The following PDE3A variants were observed in gnomAD, a reference collection of about 807,000 sequenced individuals.
PDE3A encodes cGMP-inhibited 3',5'-cyclic phosphodiesterase 3A.
A neutral mutation model predicts 98.3 loss-of-function variants in PDE3A; 43 were observed. The observed-to-expected ratio is 0.44, with a 90% confidence interval of 0.34 to 0.56. The LOEUF (loss-of-function observed/expected upper bound fraction) is 0.56, where lower values mean the gene tolerates loss of function less well. Among genes scored for constraint, PDE3A ranks in the 20% least tolerant of loss-of-function variants. The probability of loss-of-function intolerance (pLI) is 0.01; values close to 1 mark genes in which losing one functional copy is unlikely to be tolerated. For missense variants in PDE3A, 1,427 were observed against 1,440.7 expected (o/e 0.99, Z 0.15); for synonymous variants, 663 against 567.9 (o/e 1.17, Z -2.38).
chr12:20,605,074 C>T lies in PDE3A; in HGVS notation c.1012-8369C>T, dbSNP rs117513907. ...CACCCTTATAAAATCTATTTATGAA[C>T]TCTGTGTAAAGCTACCTGACTTCGT... On this transcript the variant is annotated intron_variant, in intron 2 of 15. Coordinates refer to ENST00000359062, the MANE Select transcript of PDE3A (RefSeq NM_000921.5). Among the ~76,000 whole-genome samples, 456 of 152,266 alleles carry T rather than the reference C, an allele frequency of 3.0e-3. 11 individuals are homozygous for T. In the East Asian group the frequency reaches 0.074, roughly 25 times the overall value.
At chr12:20,596,013 T>C (rs1023739131) in intron 2 of PDE3A, among the ~76,000 whole-genome samples, 2 of 152,176 alleles carry the variant, frequency 1.3e-5, no homozygotes, top group Non-Finnish European at 2.9e-5. Context: ...ATTAATCTTA[T>C]GATTATAATT....
intron 15 of PDE3A, among the ~76,000 whole-genome samples, chr12:20,657,280 G>T (rs925567313): frequency 6.6e-6 from 1 of 152,082 alleles, no homozygotes; most frequent in Non-Finnish European, 1.5e-5. Flanking sequence ...AAATGACATT[G>T]CAAGGTTGTA....
intron 8 of PDE3A, 139 bp downstream of exon 8, chr12:20,635,195 C>A (rs1261542669): frequency 7.3e-6 from 5 of 685,362 alleles, no homozygotes; most frequent in Admixed American, 5.7e-5. Context: ...ACGAAGCGGG[C>A]AGATCACGAG....
chr12:20,404,826 GTTTTTTT>G (rs60736941), intron 1 of PDE3A, among the ~76,000 whole-genome samples: 13 of 95,106 alleles, frequency 1.4e-4, no homozygotes, highest in African/African-American at 2.0e-4. Flanking sequence ...AGGTTACAGA[GTTTTTTT>G]TTTTTTTTTT....
chr12:20,384,465 G>A (rs2120560900), intron 1 of PDE3A, among the ~76,000 whole-genome samples: 1 of 151,916 alleles, frequency 6.6e-6, no homozygotes, highest in Admixed American at 6.6e-5. Context: ...TCATTCACAT[G>A]CTCTTCCTTT....
intron 1 of PDE3A, among the ~76,000 whole-genome samples, chr12:20,433,749 A>G (rs531274222): frequency 6.6e-6 from 1 of 152,346 alleles, no homozygotes; most frequent in Admixed American, 6.5e-5. Context: ...GTAACTACAT[A>G]GACAAAATAT....
intron 2 of PDE3A, among the ~76,000 whole-genome samples, chr12:20,591,040 T>C (rs1330393049): frequency 6.6e-6 from 1 of 152,198 alleles, no homozygotes; most frequent in Non-Finnish European, 1.5e-5. Flanking sequence ...TACTCTGATA[T>C]GTTAAGGTTT....
Position 20,552,149 on chromosome 12 carries a change from C to A in PDE3A, c.961-4511C>A, listed in dbSNP as rs1175080247. On this transcript the variant is annotated intron_variant, in intron 1 of 15. Transcript: ENST00000359062. This position sits in a 1 kb window ranked among gnomAD's most constrained non-coding sequence, Gnocchi z 5.1. The stretch of plus-strand genomic sequence containing the variant: ...CAGAAACTCACCAACACCAACAGGG[C>A]GCTGGCTCTCAACTGCTTTGCTCCC... 7 of 1,613,542 alleles carry A rather than the reference C, an allele frequency of 4.3e-6. No homozygotes were observed. The African/African-American group carries it at 6.7e-5, about 15-fold the overall frequency.
At chr12:20,551,767 A>G in intron 1 of PDE3A, 1 of 1,613,486 alleles carries the variant, frequency 6.2e-7, no homozygotes, top group Non-Finnish European at 8.5e-7. Flanking sequence ...GCTGAGAGAG[A>G]GCAAGAAGAA....
intron 1 of PDE3A, among the ~76,000 whole-genome samples, chr12:20,418,555 G>A (rs1240173055): frequency 6.6e-6 from 1 of 152,116 alleles, no homozygotes; most frequent in Non-Finnish European, 1.5e-5. Context: ...TTAAAAGGTG[G>A]TTTTTAAAGG....
rs1057357004 is a variant in PDE3A, at chr12:20,686,778, A to C, written c.*6507A>C. Among the ~76,000 whole-genome samples, 2 of 152,172 alleles carry C rather than the reference A, an allele frequency of 1.3e-5. No individual in the cohort carries two copies. Among genetic ancestry groups the C allele is most frequent in the Non-Finnish European group, 2.9e-5 (2 of 67,994 alleles). Reference sequence around the variant, plus strand: ...CTCCTCTGCCATAATTAAAAGAAAGAATGGCCTTCGACTTAAGTTCTAGTT... The same window carrying C: ...CTCCTCTGCCATAATTAAAAGAAAGCATGGCCTTCGACTTAAGTTCTAGTT... On this transcript the variant is annotated 3_prime_UTR_variant, in exon 16 of 16. Transcript: ENST00000359062.
chr12:20,580,639 C>A (rs1297940849), intron 2 of PDE3A, among the ~76,000 whole-genome samples: 2 of 152,088 alleles, frequency 1.3e-5, no homozygotes, highest in Non-Finnish European at 2.9e-5. Context: ...CTTTCTGATT[C>A]TTTTCTGTTT....
rs550477191 is a variant in PDE3A at position 20,619,281 on chromosome 12, G to C, written c.1425-2015G>C. ...GTTCATTAAATCTGCATTTATTAAA[G>C]ATACTCTAGTGTATTTTGCAAACTT... On this transcript the variant is annotated intron_variant, in intron 4 of 15. Transcript: ENST00000359062. 4.6e-5 allele frequency among the ~76,000 whole-genome samples: 7 copies of C among 151,884 alleles called. No homozygotes were observed. The South Asian group carries it at 8.3e-4, about 18-fold the overall frequency.
At chr12:20,466,860 A>T (rs1945348178) in intron 1 of PDE3A, among the ~76,000 whole-genome samples, 1 of 152,020 alleles carries the variant, frequency 6.6e-6, no homozygotes, top group African/African-American at 2.4e-5. Context: ...CCTCTCATCA[A>T]TTTTTTGTTT....
Position 20,386,273 on chromosome 12 carries a change from A to T in PDE3A, c.960+16029A>T, listed in dbSNP as rs1591871555. On this transcript the variant is annotated intron_variant, in intron 1 of 15. Transcript: ENST00000359062. ...ATTAATTATATTAATATATTATATT[A>T]TATTATAGTATATTATAGTATAATA... Among the ~76,000 whole-genome samples, 3 of 133,856 alleles carry T rather than the reference A, an allele frequency of 2.2e-5. No individual in the cohort carries two copies. In the Admixed American group the frequency reaches 2.6e-4, roughly 12 times the overall value. 87.8% of individuals were successfully genotyped at this position (133,856 alleles called of 152,430 possible). A position where few individuals can be genotyped will look rare whatever the true frequency, so the allele number is the denominator to read the frequency against.
intron 1 of PDE3A, among the ~76,000 whole-genome samples, chr12:20,512,024 C>T (rs1483006986): frequency 6.6e-6 from 1 of 151,830 alleles, no homozygotes; most frequent in Non-Finnish European, 1.5e-5. Flanking sequence ...TAAAAGTCAT[C>T]AAAAACAAAG....
At chr12:20,631,154 G>A (rs1007162292) in intron 6 of PDE3A, among the ~76,000 whole-genome samples, 5 of 151,594 alleles carry the variant, frequency 3.3e-5, no homozygotes, top group Non-Finnish European at 7.4e-5. Flanking sequence ...ATTTTCATTC[G>A]TTTGCCCAGA....
intron 1 of PDE3A, among the ~76,000 whole-genome samples, chr12:20,413,685 G>A (rs952339470): frequency 1.3e-5 from 2 of 152,142 alleles, no homozygotes; most frequent in African/African-American, 4.8e-5. Context: ...TACTTGTCAA[G>A]GATTTTGAAA....
chr12:20,605,369 A>G (rs1943686005), intron 2 of PDE3A, among the ~76,000 whole-genome samples: 1 of 152,264 alleles, frequency 6.6e-6, no homozygotes, highest in Admixed American at 6.5e-5. Flanking sequence ...TTTATAAGGT[A>G]GAGCTTGTGA....
Sources: allele counts gnomAD v4.1 joint callset (sites outside exome capture counted in the v4.1 genomes callset), GRCh38; gene constraint gnomAD v4.1.1; non-coding constraint Gnocchi (gnomAD v3.1); transcripts MANE v1.5; gene names NCBI Gene and HGNC (gene_info 2026-07-23, HGNC 2026-07-21).